CGNL1: variants seen among roughly 807,000 people sequenced by gnomAD.
CGNL1 encodes the protein cingulin like 1, also known as cingulin-like protein 1.
CGNL1 carries 132 observed loss-of-function variants against 141.2 expected under a neutral mutation model. That is an observed-to-expected ratio of 0.93 (90% CI 0.81 to 1.08). The LOEUF (loss-of-function observed/expected upper bound fraction) is 1.08, where lower values mean the gene tolerates loss of function less well. CGNL1 is among the 50% of genes least tolerant of loss of function. CGNL1 has a pLI of 0.00. For synonymous variants in CGNL1, 690 were observed against 622.1 expected (o/e 1.11, Z -1.63); for missense variants, 1,870 against 1,588.6 (o/e 1.18, Z -3.01).
rs201212709 is a variant in CGNL1 at position 57,543,717 on chromosome 15, C to T, written c.3313C>T (p.Leu1105=). 6 of 1,613,788 alleles carry T rather than the reference C, an allele frequency of 3.7e-6. No homozygotes were observed. In the African/African-American group the frequency reaches 8.0e-5, roughly 22 times the overall value. ...REQMEQLRNE[L]LQERAARQDL... is the part of the protein sequence containing the mutation. ...GTAGATGGAGCAGTTGAGGAATGAG[C>T]TACTTCAGGAGAGAGCTGCGAGACA... Residue 1105 remains leucine (L), a synonymous_variant, in exon 15 of 19, where the codon CTA becomes TTA. Coordinates refer to ENST00000281282, the MANE Select transcript of CGNL1 (RefSeq NM_032866.5).
intron 1 of CGNL1, among the ~76,000 whole-genome samples, chr15:57,406,804 C>G (rs1386605069): frequency 6.6e-6 from 1 of 152,192 alleles, no homozygotes; most frequent in Admixed American, 6.5e-5. Flanking sequence ...ATCAATAGTG[C>G]TGGGCTCTGA....
At chr15:57,511,889 G>C (rs372672485) in intron 8 of CGNL1, among the ~76,000 whole-genome samples, 3 of 152,154 alleles carry the variant, frequency 2.0e-5, no homozygotes, top group Non-Finnish European at 4.4e-5. Flanking sequence ...GGTAAGATAC[G>C]GACAAATGAA....
At chr15:57,385,674 C>T (rs1307018998) in intron 1 of CGNL1, among the ~76,000 whole-genome samples, 1 of 152,188 alleles carries the variant, frequency 6.6e-6, no homozygotes, top group Non-Finnish European at 1.5e-5. Flanking sequence ...GTAATGCCTA[C>T]CCCATACAGT....
At chr15:57,464,784 C>T (rs1450722877) in intron 8 of CGNL1, among the ~76,000 whole-genome samples, 1 of 140,844 alleles carries the variant, frequency 7.1e-6, no homozygotes, top group Admixed American at 7.7e-5. Flanking sequence ...GAGTCTTGCT[C>T]TGTCACCCTG....
intron 6 of CGNL1, 85 bp downstream of exon 6, chr15:57,452,374 C>T: frequency 8.1e-7 from 1 of 1,237,148 alleles, no homozygotes; most frequent in Non-Finnish European, 1.1e-6. Flanking sequence ...TAATACTACC[C>T]AGCCTTCCAA....
At chr15:57,396,324 G>T (rs2081017529) in intron 1 of CGNL1, among the ~76,000 whole-genome samples, 1 of 149,742 alleles carries the variant, frequency 6.7e-6, no homozygotes, top group African/African-American at 2.5e-5. Context: ...GCCCAGGCTG[G>T]AGTACAGTGA....
chr15:57,378,537 A>G (rs924080717), intron 1 of CGNL1, among the ~76,000 whole-genome samples: 1 of 151,814 alleles, frequency 6.6e-6, no homozygotes, highest in Admixed American at 6.6e-5. Flanking sequence ...ACCCGCTACC[A>G]TGCTCGGCTA....
chr15:57,464,670 TTTTCCTTTCCTTTCCTTTCCTTTCC>T (rs200160698), intron 8 of CGNL1, among the ~76,000 whole-genome samples: 1,242 of 111,766 alleles, frequency 0.011, 24 homozygotes, highest in African/African-American at 0.038. Context: ...CTGCGGTTTC[TTTTCCTTTCCTTTCCTTTCCTTTCC>T]TTTCCTTTCC....
intron 1 of CGNL1, among the ~76,000 whole-genome samples, chr15:57,428,204 T>C (rs2063001276): frequency 1.3e-5 from 2 of 152,224 alleles, no homozygotes; most frequent in African/African-American, 4.8e-5. Flanking sequence ...CATGCTGTGG[T>C]CCACAGCCCT....
chr15:57,511,340 A>G (rs2030288689), intron 8 of CGNL1, among the ~76,000 whole-genome samples: 1 of 152,126 alleles, frequency 6.6e-6, no homozygotes, highest in Admixed American at 6.5e-5. Context: ...TTTCTCCCAG[A>G]TGCACAAGAT....
At chr15:57,426,131 TAAG>T (rs1474942918) in intron 1 of CGNL1, among the ~76,000 whole-genome samples, 9 of 151,826 alleles carry the variant, frequency 5.9e-5, no homozygotes, top group Non-Finnish European at 7.4e-5. Flanking sequence ...GAAATGGCGC[TAAG>T]AAGAAGAAGA....
intron 14 of CGNL1, among the ~76,000 whole-genome samples, chr15:57,540,237 T>A (rs1030575131): frequency 1.3e-5 from 2 of 152,218 alleles, no homozygotes; most frequent in African/African-American, 4.8e-5. Flanking sequence ...CTCATGCTGC[T>A]AATAAAGACA....
rs200240021 is a variant in CGNL1, at chr15:57,440,349, T to C, written c.1603-28T>C. 704 of 1,548,034 alleles carry C rather than the reference T, an allele frequency of 4.5e-4. 1 individual carries two copies. The highest frequency in any genetic ancestry group is 5.9e-4 in the Non-Finnish European group (669 of 1,133,758). ...GAAGCCTCTGGGAACTTCATCCTCATGGTCTAACAACAGGCCTTATGTTCC... is the reference window on the plus strand; with the variant it reads ...GAAGCCTCTGGGAACTTCATCCTCACGGTCTAACAACAGGCCTTATGTTCC... On this transcript the variant is annotated intron_variant, in intron 2 of 18. Coordinates refer to ENST00000281282, the MANE Select transcript of CGNL1 (RefSeq NM_032866.5).
chr15:57,452,686 T>C (rs2063335932), intron 6 of CGNL1, among the ~76,000 whole-genome samples: 1 of 139,106 alleles, frequency 7.2e-6, no homozygotes, highest in Non-Finnish European at 1.6e-5. Flanking sequence ...TTATCCTCGA[T>C]GGTGCTGGTG....
At chr15:57,537,964 T>A (rs1270104645) in intron 14 of CGNL1, among the ~76,000 whole-genome samples, 3 of 152,244 alleles carry the variant, frequency 2.0e-5, no homozygotes, top group Admixed American at 6.5e-5. Flanking sequence ...TCTTCTCTGG[T>A]CCAGGAGGCT....
At chr15:57,545,472 C>A (rs74381709) in intron 16 of CGNL1, 120 bp from the exon 17 acceptor site, 1 of 762,046 alleles carries the variant, frequency 1.3e-6, no homozygotes, top group Non-Finnish European at 2.1e-6. Context: ...GTTTCCCTGA[C>A]CCTAAGCCTT....
chr15:57,482,079 T>C (rs1253957457), intron 8 of CGNL1, among the ~76,000 whole-genome samples: 1 of 152,134 alleles, frequency 6.6e-6, no homozygotes, highest in Non-Finnish European at 1.5e-5. Context: ...TCTATTCATG[T>C]CTTTTGCCCA....
chr15:57,546,368 T>C (rs2032868515), intron 18 of CGNL1, 129 bp downstream of exon 18: 1 of 1,143,642 alleles, frequency 8.7e-7, no homozygotes, highest in South Asian at 1.8e-5. Context: ...GGTTATCGTA[T>C]CTTAGAGATG....
intron 14 of CGNL1, among the ~76,000 whole-genome samples, chr15:57,532,172 A>C (rs1446779810): frequency 6.6e-6 from 1 of 152,250 alleles, no homozygotes; most frequent in Non-Finnish European, 1.5e-5. Context: ...AGTTGTCATT[A>C]AAAGCACATT....
Sources: gnomAD v4.1 joint callset for allele counts (sites outside exome capture counted in the v4.1 genomes callset) on GRCh38, gnomAD v4.1.1 for gene constraint, MANE v1.5 for transcripts, NCBI Gene and HGNC (gene_info 2026-07-23, HGNC 2026-07-21) for gene names.